Variants in PHACTR3 observed in about 807,000 individuals in gnomAD.
PHACTR3 encodes the protein protein phosphatase 1, regulatory subunit 123.
A neutral mutation model predicts 66.8 loss-of-function variants in PHACTR3; 16 were observed. That is an observed-to-expected ratio of 0.24 (90% CI 0.16 to 0.36). The LOEUF (loss-of-function observed/expected upper bound fraction) is 0.36, where lower values mean the gene tolerates loss of function less well. Among genes scored for constraint, PHACTR3 ranks in the 10% least tolerant of loss-of-function variants. The pLI, the probability that PHACTR3 is intolerant of heterozygous loss-of-function variation, is 1.00. For synonymous variants in PHACTR3, 323 were observed against 292.1 expected (o/e 1.11, Z -1.08); for missense variants, 647 against 719.9 (o/e 0.90, Z 1.16).
intron 1 of PHACTR3, among the ~76,000 whole-genome samples, chr20:59,688,274 A>AT (rs1180763318): frequency 6.6e-6 from 1 of 152,202 alleles, no homozygotes; most frequent in African/African-American, 2.4e-5. Flanking sequence ...TACAAGACAA[A>AT]TTTGCAGAGA....
Position 59,790,403 on chromosome 20 carries a change from T to C in PHACTR3, c.1175-15638T>C, listed in dbSNP as rs188534472. 2.6e-5 allele frequency among the ~76,000 whole-genome samples: 4 copies of C among 152,314 alleles called. No individual in the cohort carries two copies. In the East Asian group the frequency reaches 7.7e-4, roughly 29 times the overall value. Reference sequence around the variant, plus strand: ...GCCAAAACCTACAGTAATCAGAAACTTTGACTCAGGAATTCTCCCCTTTCT... The same window carrying C: ...GCCAAAACCTACAGTAATCAGAAACCTTGACTCAGGAATTCTCCCCTTTCT... On this transcript the variant is annotated intron_variant, in intron 7 of 12. Coordinates refer to ENST00000371015, the MANE Select transcript of PHACTR3 (RefSeq NM_080672.5).
At chr20:59,756,417 C>T (rs1343286289) in intron 4 of PHACTR3, among the ~76,000 whole-genome samples, 2 of 152,222 alleles carry the variant, frequency 1.3e-5, no homozygotes, top group Admixed American at 1.3e-4. Flanking sequence ...GTGCCCGGGA[C>T]TTCCTTCTGC....
rs2040418478 is a variant in PHACTR3, at chr20:59,773,341, C to G, written c.814C>G (p.Leu272Val). ...TGCCGACCCTTCCCTCCGGGGCCAGCTCTCCACACCCACGGGGTCTCCGCA... is the reference window on the plus strand; with the variant it reads ...TGCCGACCCTTCCCTCCGGGGCCAGGTCTCCACACCCACGGGGTCTCCGCA... ...KSADPSLRGQ[L>V]STPTGSPHLT... Residue 272 changes from leucine (L) to valine (V), a missense_variant, in exon 6 of 13, where the codon CTC becomes GTC. Around this residue, in one of 2 missense-constraint regions of PHACTR3, gnomAD observed 577 missense variants for 571.1 expected, o/e 1.01. Coordinates refer to ENST00000371015, the MANE Select transcript of PHACTR3 (RefSeq NM_080672.5). 1 of 1,614,190 alleles carries G rather than the reference C, an allele frequency of 6.2e-7. No homozygotes were observed. Among genetic ancestry groups the G allele is most frequent in the African/African-American group, 1.3e-5 (1 of 75,052 alleles).
intron 12 of PHACTR3, among the ~76,000 whole-genome samples, 188 bp from the exon 13 acceptor site, chr20:59,846,927 G>A (rs1417243053): frequency 6.6e-6 from 1 of 152,104 alleles, no homozygotes; most frequent in Non-Finnish European, 1.5e-5. Flanking sequence ...TATAACAGGG[G>A]CCTGAGAGTG....
At chr20:59,593,238 C>T (rs1268082328) in intron 1 of PHACTR3, among the ~76,000 whole-genome samples, 1 of 152,198 alleles carries the variant, frequency 6.6e-6, no homozygotes, top group Non-Finnish European at 1.5e-5. Flanking sequence ...TTTCAGTTTG[C>T]ATTTCTCTAA....
intron 1 of PHACTR3, among the ~76,000 whole-genome samples, chr20:59,680,719 A>G (rs1190739416): frequency 1.3e-5 from 2 of 152,142 alleles, no homozygotes; most frequent in African/African-American, 4.8e-5. Flanking sequence ...TGTATGGCCC[A>G]AGACAATTCT....
At chr20:59,796,645 G>A (rs2041258356) in intron 7 of PHACTR3, among the ~76,000 whole-genome samples, 1 of 152,110 alleles carries the variant, frequency 6.6e-6, no homozygotes, top group Admixed American at 6.6e-5. Context: ...GGTTAGTAGA[G>A]ATTTTTTTCC....
intron 8 of PHACTR3, among the ~76,000 whole-genome samples, chr20:59,823,439 A>G (rs1240822787): frequency 6.6e-6 from 1 of 152,234 alleles, no homozygotes; most frequent in African/African-American, 2.4e-5. Context: ...TGACTACTCA[A>G]AAAGCCATTT....
Position 59,643,104 on chromosome 20 carries a change from G to C in PHACTR3, c.118+37972G>C, listed in dbSNP as rs2035162955. Among the ~76,000 whole-genome samples the C allele has an allele frequency of 2.0e-5, 3 of 152,206 alleles. No individual in the cohort carries two copies. The South Asian group carries it at 6.2e-4, about 32-fold the overall frequency. On this transcript the variant is annotated intron_variant, in intron 1 of 12. Transcript: ENST00000371015. ...TTTTTTGTATTTTTAGTAGAGACGGGGTTTCACCATGTTAGCCAGGATGGT... is the reference window on the plus strand; with the variant it reads ...TTTTTTGTATTTTTAGTAGAGACGGCGTTTCACCATGTTAGCCAGGATGGT...
intron 1 of PHACTR3, among the ~76,000 whole-genome samples, chr20:59,698,903 C>G (rs2037393389): frequency 6.6e-6 from 1 of 152,148 alleles, no homozygotes; most frequent in Admixed American, 6.5e-5. Context: ...ATCCTCTGGC[C>G]TAGCTGAGCC....
upstream of PHACTR3, chr20:59,603,663 G>A (rs1398784245): frequency 2.0e-5 from 3 of 152,166 alleles, no homozygotes; most frequent in Non-Finnish European, 4.4e-5. Flanking sequence ...AGGGGGCTTA[G>A]AGCGGGGCTG....
chr20:59,773,354 C>A lies in PHACTR3; in HGVS notation c.827C>A (p.Thr276Lys). 3.1e-6 allele frequency: 5 copies of A among 1,614,208 alleles called. No homozygotes were observed. The highest frequency in any genetic ancestry group is 4.2e-6 in the Non-Finnish European group (5 of 1,180,032). ...PSLRGQLSTP[T>K]GSPHLTTVHR... Reference sequence around the variant, plus strand: ...CTCCGGGGCCAGCTCTCCACACCCACGGGGTCTCCGCATCTCACCACGGTC... The same window carrying A: ...CTCCGGGGCCAGCTCTCCACACCCAAGGGGTCTCCGCATCTCACCACGGTC... Residue 276 changes from threonine (T) to lysine (K), a missense_variant, in exon 6 of 13, where the codon ACG becomes AAG. Thr to Lys is a moderately conservative substitution (Grantham distance 78). Coordinates refer to ENST00000371015, the MANE Select transcript of PHACTR3 (RefSeq NM_080672.5).
chr20:59,762,826 A>G (rs1421490111), intron 4 of PHACTR3, among the ~76,000 whole-genome samples: 2 of 152,190 alleles, frequency 1.3e-5, no homozygotes, highest in Non-Finnish European at 2.9e-5. Flanking sequence ...GACAGCTCAC[A>G]CTGGGAAACA....
At chr20:59,842,800 C>T (rs1209403460) in intron 11 of PHACTR3, among the ~76,000 whole-genome samples, 4 of 151,992 alleles carry the variant, frequency 2.6e-5, no homozygotes, top group Non-Finnish European at 4.4e-5. Context: ...ATGGAGTGAA[C>T]GGAGTTTGGG....
intron 1 of PHACTR3, among the ~76,000 whole-genome samples, chr20:59,615,042 C>G (rs1039873845): frequency 1.3e-5 from 2 of 152,078 alleles, no homozygotes; most frequent in Non-Finnish European, 1.5e-5. Flanking sequence ...TGGCCCCTAC[C>G]CCACATTCTT....
In PHACTR3 at chr20:59,806,241, C is replaced by T. The variant is rs749628731; in HGVS notation, c.1328+47C>T. The T allele has an allele frequency of 1.9e-6, 3 of 1,588,982 alleles. No homozygotes were observed. The South Asian group carries it at 3.5e-5, about 18-fold the overall frequency. ...CAGCCGGGCCTGTGCTCTGGCCTTG[C>T]AGGCGGAGCCCCTCTGAGATCCCAC... On this transcript the variant is annotated intron_variant, in intron 8 of 12. Transcript: ENST00000371015.
At chr20:59,763,533 G>A (rs2040074433) in intron 4 of PHACTR3, among the ~76,000 whole-genome samples, 1 of 152,212 alleles carries the variant, frequency 6.6e-6, no homozygotes, top group Non-Finnish European at 1.5e-5. Flanking sequence ...TTTTTGTGGG[G>A]ACCAAGATTC....
chr20:59,591,964 C>T (rs1157739996), intron 1 of PHACTR3, among the ~76,000 whole-genome samples: 1 of 152,120 alleles, frequency 6.6e-6, no homozygotes, highest in African/African-American at 2.4e-5. Context: ...TGCCGTGGCT[C>T]TAAGAGGTCA....
At chr20:59,730,058 A>G (rs1184825087) in intron 1 of PHACTR3, among the ~76,000 whole-genome samples, 1 of 152,126 alleles carries the variant, frequency 6.6e-6, no homozygotes, top group East Asian at 1.9e-4. Context: ...TGGTTCTCAT[A>G]TACTTGTTGA....
Sources: allele counts gnomAD v4.1 joint callset (sites outside exome capture counted in the v4.1 genomes callset), GRCh38; gene constraint gnomAD v4.1.1; regional missense constraint gnomAD v4.1.1; transcripts MANE v1.5; gene names NCBI Gene and HGNC (gene_info 2026-07-23, HGNC 2026-07-21).